VPS53: variants seen among roughly 807,000 people sequenced by gnomAD.
The protein encoded by VPS53 is VPS53 subunit of GARP complex, also known as vacuolar protein sorting-associated protein 53 homolog.
Under a neutral mutation model 107.0 loss-of-function variants are expected in VPS53, and 70 were observed. The observed-to-expected ratio is 0.65, with a 90% CI of 0.54 to 0.80. The LOEUF (loss-of-function observed/expected upper bound fraction) is 0.80, where lower values mean the gene tolerates loss of function less well. Ranked by LOEUF, VPS53 falls within the 30% of genes least tolerant of loss-of-function variation. The pLI, the probability that VPS53 is intolerant of heterozygous loss-of-function variation, is 0.00. For missense variants in VPS53, 917 were observed against 1,049.4 expected (o/e 0.87, Z 1.74); for synonymous variants, 409 against 393.3 (o/e 1.04, Z -0.47).
rs73973156 is a variant in VPS53, at chr17:580,409, G to C, written c.1313+5861C>G. ...CTCAGGACCTCAATCTGTTCCCAGA[G>C]ATCCTCCCTCAGGACCTAAGGTGTT... On this transcript the variant is annotated intron_variant, in intron 13 of 21. Coordinates refer to ENST00000437048, the MANE Select transcript of VPS53 (RefSeq NM_001128159.3). 2.7e-3 allele frequency among the ~76,000 whole-genome samples: 375 copies of C among 141,232 alleles called. 3 individuals are homozygous for C. Among genetic ancestry groups the C allele is most frequent in the African/African-American group, 9.7e-3 (362 of 37,352 alleles). The allele number at this position is 141,232 out of a possible 152,430, so 92.7% of individuals were successfully genotyped here. A position where few individuals can be genotyped will look rare whatever the true frequency, so the allele number is the denominator to read the frequency against.
At chr17:569,226 G>C (rs926952600) in intron 13 of VPS53, among the ~76,000 whole-genome samples, 2 of 152,194 alleles carry the variant, frequency 1.3e-5, no homozygotes, top group Non-Finnish European at 2.9e-5. Flanking sequence ...GGGACAATTT[G>C]AGTACTAAAA....
intron 13 of VPS53, among the ~76,000 whole-genome samples, chr17:569,600 C>T (rs1031020611): frequency 5.3e-5 from 8 of 152,010 alleles, no homozygotes; most frequent in Non-Finnish European, 8.8e-5. Flanking sequence ...AACTGATAAA[C>T]GCAGAAGAAA....
intron 17 of VPS53, among the ~76,000 whole-genome samples, chr17:543,971 AAGGGAGGAACGGAGAG>A (rs1910948710): frequency 9.4e-6 from 1 of 106,054 alleles, no homozygotes; most frequent in African/African-American, 3.8e-5. Context: ...GAGTGGGAGG[AAGGGAGGAACGGAGAG>A]AGGGAGGAAG....
chr17:547,805 T>G (rs1597278912), intron 17 of VPS53, among the ~76,000 whole-genome samples: 1 of 152,054 alleles, frequency 6.6e-6, no homozygotes, highest in East Asian at 1.9e-4. Flanking sequence ...GTCCAGCAAA[T>G]TTTTTGTGTT....
At chr17:692,818 T>C (rs1159210346) in intron 4 of VPS53, among the ~76,000 whole-genome samples, 1 of 151,946 alleles carries the variant, frequency 6.6e-6, no homozygotes, top group African/African-American at 2.4e-5. Flanking sequence ...CTGACCAACA[T>C]GGTGAAACCC....
chr17:699,497 G>T, intron 2 of VPS53, 117 bp from the exon 3 acceptor site: 2 of 766,488 alleles, frequency 2.6e-6, no homozygotes, highest in South Asian at 7.6e-5. Context: ...TTAATCACAT[G>T]ATATGAGTTT....
At chr17:530,511 T>A (rs904224493) in intron 19 of VPS53, among the ~76,000 whole-genome samples, 1 of 152,230 alleles carries the variant, frequency 6.6e-6, no homozygotes, top group African/African-American at 2.4e-5. Flanking sequence ...TTACTCATAA[T>A]CATATTTTCC....
At chr17:640,415 A>G (rs917936180) in intron 7 of VPS53, among the ~76,000 whole-genome samples, 2 of 152,112 alleles carry the variant, frequency 1.3e-5, no homozygotes, top group Non-Finnish European at 2.9e-5. Context: ...TCCTGCACCC[A>G]CTGTCCGACA....
At position 533,023 on chromosome 17, in the gene VPS53, C is replaced by T. The variant is rs1812944556; in HGVS notation, c.2016-112G>A. The T allele has an allele frequency of 8.1e-6, 12 of 1,475,102 alleles. No individual in the cohort carries two copies. The South Asian group carries it at 1.3e-4, about 16-fold the overall frequency. 91.4% of individuals were successfully genotyped at this position (1,475,102 alleles called of 1,614,324 possible). A position where few individuals can be genotyped will look rare whatever the true frequency, so the allele number is the denominator to read the frequency against. The stretch of plus-strand genomic sequence containing the variant: ...GAAAAAACCTTTTTTAATGAAGAAT[C>T]GAAGTGGACTCCACTGTTGCCCATT... On this transcript the variant is annotated intron_variant, in intron 18 of 21. Coordinates refer to ENST00000437048, the MANE Select transcript of VPS53 (RefSeq NM_001128159.3).
At chr17:683,584 G>A (rs1276995516) in intron 4 of VPS53, among the ~76,000 whole-genome samples, 3 of 152,192 alleles carry the variant, frequency 2.0e-5, no homozygotes, top group African/African-American at 7.2e-5. Flanking sequence ...ATAAAAATGA[G>A]ATCTATGTGA....
intron 13 of VPS53, among the ~76,000 whole-genome samples, chr17:579,993 C>T (rs1045777700): frequency 6.4e-4 from 96 of 151,176 alleles, no homozygotes; most frequent in African/African-American, 5.4e-4. Context: ...ACCAGAAAAC[C>T]TCCCTCAGGA....
chr17:668,339 T>G (rs1971785563), intron 4 of VPS53, among the ~76,000 whole-genome samples: 1 of 152,180 alleles, frequency 6.6e-6, no homozygotes, highest in African/African-American at 2.4e-5. Flanking sequence ...TATTGCCCAC[T>G]GATTAAAAGT....
At chr17:577,918 C>A (rs1453716922) in intron 13 of VPS53, among the ~76,000 whole-genome samples, 3 of 151,788 alleles carry the variant, frequency 2.0e-5, no homozygotes, top group Non-Finnish European at 4.4e-5. Context: ...CTAATGCGTT[C>A]CCAAAGATCC....
intron 4 of VPS53, among the ~76,000 whole-genome samples, chr17:687,015 T>G (rs907386450): frequency 1.8e-4 from 28 of 152,246 alleles, no homozygotes; most frequent in African/African-American, 6.7e-4. Flanking sequence ...CTGGGCGCAG[T>G]GGCTCACGCC....
intron 7 of VPS53, among the ~76,000 whole-genome samples, chr17:643,546 C>T (rs201864591): frequency 2.2e-5 from 1 of 44,818 alleles, no homozygotes; most frequent in African/African-American, 9.0e-5. Context: ...TACTTGGAAA[C>T]CGAGGACAAC....
chr17:694,669 AATG>A (rs1235920474), intron 4 of VPS53, among the ~76,000 whole-genome samples: 2 of 152,192 alleles, frequency 1.3e-5, no homozygotes, highest in African/African-American at 4.8e-5. Flanking sequence ...TGCTGATCAA[AATG>A]ATGTTTTTAT....
chr17:622,237 T>A (rs1036978435), intron 11 of VPS53, among the ~76,000 whole-genome samples: 5 of 151,584 alleles, frequency 3.3e-5, no homozygotes, highest in African/African-American at 1.2e-4. Context: ...AACAAAAAAA[T>A]AAAAAAATAA....
intron 2 of VPS53, among the ~76,000 whole-genome samples, chr17:699,874 A>C (rs1973130088): frequency 1.3e-5 from 2 of 152,228 alleles, no homozygotes; most frequent in African/African-American, 4.8e-5. Context: ...GGGACAGAGG[A>C]TATGATTTCA....
In VPS53 at chr17:569,199, T is replaced by A. The variant is rs117257167; in HGVS notation, c.1314-6454A>T. Among the ~76,000 whole-genome samples the A allele has an allele frequency of 9.2e-5, 14 of 152,206 alleles. No homozygotes were observed. The East Asian group carries it at 2.7e-3, about 29-fold the overall frequency. On this transcript the variant is annotated intron_variant, in intron 13 of 21. Transcript: ENST00000437048. ...GGATGAAGAGCCAGCTTTAAGAGGC[T>A]CCCACTGGCCAAGTCAGGGACAATT...
Sources: gnomAD v4.1 joint callset for allele counts (sites outside exome capture counted in the v4.1 genomes callset) on GRCh38, gnomAD v4.1.1 for gene constraint, MANE v1.5 for transcripts, NCBI Gene and HGNC (gene_info 2026-07-23, HGNC 2026-07-21) for gene names.